The following STARD7 variants were observed in gnomAD, a reference collection of about 807,000 sequenced individuals.
STARD7 encodes StAR related lipid transfer domain containing 7.
STARD7 carries 30 observed loss-of-function variants against 45.3 expected under a neutral mutation model. That is an observed-to-expected ratio of 0.66 (90% CI 0.50 to 0.90). The LOEUF (loss-of-function observed/expected upper bound fraction) is 0.90, where lower values mean the gene tolerates loss of function less well. Among genes scored for constraint, STARD7 ranks in the 40% least tolerant of loss-of-function variants. The pLI, the probability that STARD7 is intolerant of heterozygous loss-of-function variation, is 0.00. For missense variants in STARD7, 495 were observed against 491.3 expected (o/e 1.01, Z -0.07); for synonymous variants, 199 against 183.0 (o/e 1.09, Z -0.70).
In STARD7 at chr2:96,208,388, C is replaced by G. The variant is rs746814222; in HGVS notation, c.47G>C (p.Gly16Ala). ...LLAAWLAGTRGGGLLALLANQ... is the reference protein window; with the variant it reads ...LLAAWLAGTRAGGLLALLANQ... ...GGCCAGAAGCGCCAGCAGGCCCCCGCCCCGCGTCCCCGCCAGCCAGGCGGC... is the reference window on the plus strand; with the variant it reads ...GGCCAGAAGCGCCAGCAGGCCCCCGGCCCGCGTCCCCGCCAGCCAGGCGGC... The change falls in exon 1 of 8, where the codon GGC (glycine) becomes GCC (alanine). Residue 16 changes from glycine to alanine, a missense_variant. Physicochemically the swap from Gly to Ala is moderately conservative, Grantham distance 60. Around this residue, in one of 2 missense-constraint regions of STARD7, gnomAD observed 282 missense variants for 220.1 expected, o/e 1.28. Coordinates refer to ENST00000337288, the MANE Select transcript of STARD7 (RefSeq NM_020151.4). The G allele has an allele frequency of 2.0e-6, 3 of 1,473,630 alleles. No homozygotes were observed. The African/African-American group carries it at 4.4e-5, about 22-fold the overall frequency. 91.3% of individuals were successfully genotyped at this position (1,473,630 alleles called of 1,614,324 possible).
chr2:96,208,078 G>A (rs1683426855), intron 1 of STARD7, 67 bp downstream of exon 1: 2 of 1,430,896 alleles, frequency 1.4e-6, no homozygotes, highest in African/African-American at 1.5e-5. Context: ...AACGACCACA[G>A]GGCAGGCCCC....
intron 3 of STARD7, among the ~76,000 whole-genome samples, chr2:96,194,506 C>T (rs985592365): frequency 1.8e-4 from 28 of 152,044 alleles, no homozygotes; most frequent in Admixed American, 7.2e-4. Flanking sequence ...TAAATACAAA[C>T]AGAGGACTAC....
chr2:96,203,826 C>T (rs1231405342), intron 1 of STARD7, among the ~76,000 whole-genome samples: 3 of 151,850 alleles, frequency 2.0e-5, no homozygotes, highest in East Asian at 3.9e-4. Context: ...ATTAGGTGGG[C>T]GTGGTGGGGC....
chr2:96,193,705 A>T (rs1435917609), intron 3 of STARD7, among the ~76,000 whole-genome samples: 1 of 152,262 alleles, frequency 6.6e-6, no homozygotes, highest in Non-Finnish European at 1.5e-5. Context: ...AAAAAGTCCA[A>T]AAGTATTAAG....
At position 96,186,442 on chromosome 2, in the gene STARD7, T is replaced by G. The variant is rs1333509027; in HGVS notation, c.*288A>C. The G allele has an allele frequency of 7.5e-6, 2 of 266,132 alleles. No homozygotes were observed. Among genetic ancestry groups the G allele is most frequent in the African/African-American group, 4.4e-5 (2 of 45,382 alleles). 16.5% of individuals were successfully genotyped at this position (266,132 alleles called of 1,614,324 possible). On this transcript the variant is annotated 3_prime_UTR_variant, in exon 8 of 8. Coordinates refer to ENST00000337288, the MANE Select transcript of STARD7 (RefSeq NM_020151.4). The stretch of plus-strand genomic sequence containing the variant: ...AGAGAAGCAAATGGAGGTCATCCCC[T>G]TCTGGCCTGAGGTGAGAGGTTTGTT...
At chr2:96,196,625 C>A (rs1490049809) in intron 1 of STARD7, among the ~76,000 whole-genome samples, 1 of 152,142 alleles carries the variant, frequency 6.6e-6, no homozygotes, top group Non-Finnish European at 1.5e-5. Context: ...TCATGCCCGG[C>A]TGATTTTTTG....
At position 96,191,651 on chromosome 2, in the gene STARD7, CT is replaced by C. The variant is rs1025835770; in HGVS notation, c.843+717del. 4.6e-3 allele frequency among the ~76,000 whole-genome samples: 675 copies of C among 146,482 alleles called. 4 individuals are homozygous for C. Among genetic ancestry groups the C allele is most frequent in the African/African-American group, 0.017 (650 of 38,974 alleles). On this transcript the variant is annotated intron_variant, in intron 6 of 7. Coordinates refer to ENST00000337288, the MANE Select transcript of STARD7 (RefSeq NM_020151.4). ...CCTGCTTTCCTCTCTATCCAGTGTA[CT>C]TTTTTTTTTGTTTTTTTTTACAAGG...
rs1683426391 is a variant in STARD7 at position 96,208,060 on chromosome 2, C to T, written c.290+85G>A. 5 of 1,335,402 alleles carry T rather than the reference C, an allele frequency of 3.7e-6. No individual in the cohort carries two copies. In the Admixed American group the frequency reaches 1.3e-4, roughly 36 times the overall value. The allele number at this position is 1,335,402 out of a possible 1,614,324, so 82.7% of individuals were successfully genotyped here. A position where few individuals can be genotyped will look rare whatever the true frequency, so the allele number is the denominator to read the frequency against. On this transcript the variant is annotated intron_variant, in intron 1 of 7. Transcript: ENST00000337288. ...GCCAATTAAAAGACCACCGGGTAAA[C>T]AAGGGCCAACGACCACAGGGCAGGC...
intron 1 of STARD7, among the ~76,000 whole-genome samples, chr2:96,201,270 T>A (rs968726749): frequency 5.9e-5 from 9 of 151,998 alleles, no homozygotes; most frequent in African/African-American, 1.9e-4. Context: ...GTAATCCAAA[T>A]TTTTATTAAA....
At chr2:96,187,984 T>C (rs1049321756) in intron 6 of STARD7, 6 of 151,458 alleles carry the variant, frequency 4.0e-5, no homozygotes, top group African/African-American at 1.2e-4. Flanking sequence ...AATAAATAAA[T>C]TGGGTGTTGG....
chr2:96,192,025 C>T (rs183298185), intron 6 of STARD7, among the ~76,000 whole-genome samples: 1 of 152,332 alleles, frequency 6.6e-6, no homozygotes, highest in East Asian at 1.9e-4. Flanking sequence ...AAGTTTCCAT[C>T]CAGTGCTCTG....
intron 3 of STARD7, among the ~76,000 whole-genome samples, chr2:96,193,727 C>T (rs1244275217): frequency 2.0e-5 from 3 of 152,200 alleles, no homozygotes; most frequent in African/African-American, 7.2e-5. Flanking sequence ...AGACACTTCA[C>T]ACACAAAAAT....
chr2:96,186,595 G>T lies in STARD7; in HGVS notation c.*135C>A. ...GGGCTCTGAATGAAATGGGACATCA[G>T]TTATTGAATTATCTTGCACTGGAAG... On this transcript the variant is annotated 3_prime_UTR_variant, in exon 8 of 8. Coordinates refer to ENST00000337288, the MANE Select transcript of STARD7 (RefSeq NM_020151.4). The T allele has an allele frequency of 3.5e-6, 2 of 570,684 alleles. No individual in the cohort carries two copies. The highest frequency in any genetic ancestry group is 5.9e-6 in the Non-Finnish European group (2 of 337,460). The allele number at this position is 570,684 out of a possible 1,614,324, so 35.4% of individuals were successfully genotyped here. A position where few individuals can be genotyped will look rare whatever the true frequency, so the allele number is the denominator to read the frequency against.
At position 96,192,473 on chromosome 2, in the gene STARD7, T is replaced by A; in HGVS notation, c.744-5A>T. ...ACACTCGGATGCTCCACAGCACTGG[T>A]AAGGAGGAAAGGAGAAGCAAACTCT... is the stretch of plus-strand genomic sequence containing the variant. On this transcript the variant is annotated splice_region_variant and splice_polypyrimidine_tract_variant and intron_variant, in intron 5 of 7. Coordinates refer to ENST00000337288, the MANE Select transcript of STARD7 (RefSeq NM_020151.4). The A allele has an allele frequency of 6.2e-7, 1 of 1,611,320 alleles. No individual in the cohort carries two copies. Among genetic ancestry groups the A allele is most frequent in the Non-Finnish European group, 8.5e-7 (1 of 1,177,642 alleles).
intron 5 of STARD7, 94 bp downstream of exon 5, chr2:96,192,984 C>A: frequency 1.1e-6 from 1 of 881,166 alleles, no homozygotes; most frequent in Non-Finnish European, 1.9e-6. Context: ...CTGTGGGAGA[C>A]TCATAGGACA....
rs1186578722 is a variant in STARD7 at position 96,193,152 on chromosome 2, C to T, written c.669G>A (p.Met223Ile). The T allele has an allele frequency of 1.2e-6, 2 of 1,612,122 alleles. No individual in the cohort carries two copies. Among genetic ancestry groups the T allele is most frequent in the Non-Finnish European group, 8.5e-7 (1 of 1,178,198 alleles). Residue 223 changes from methionine to isoleucine, a missense_variant, in exon 5 of 8, where the codon ATG becomes ATA. By Grantham distance (10) the Met-to-Ile change is conservative. Coordinates refer to ENST00000337288, the MANE Select transcript of STARD7 (RefSeq NM_020151.4). ...LHWVTHFPYP[M>I]YSRDYVYVRR... Reference sequence around the variant, plus strand: ...GAACATAAACATAATCCCGTGAGTACATTGGATACTAAAGAAATGGAGGAG... The same window carrying T: ...GAACATAAACATAATCCCGTGAGTATATTGGATACTAAAGAAATGGAGGAG...
chr2:96,199,932 C>A (rs1683279671), intron 1 of STARD7, among the ~76,000 whole-genome samples: 1 of 152,146 alleles, frequency 6.6e-6, no homozygotes, highest in Non-Finnish European at 1.5e-5. Flanking sequence ...CAGTTTTTGT[C>A]CTTTTTTCTA....
chr2:96,193,508 T>G lies in STARD7; in HGVS notation c.550-156A>C, dbSNP rs79725172. Among the ~76,000 whole-genome samples the G allele has an allele frequency of 4.3e-4, 66 of 152,332 alleles. No individual in the cohort carries two copies. In the East Asian group the frequency reaches 0.012, roughly 28 times the overall value. Reference sequence around the variant, plus strand: ...TGCCAGAGTGTGAGAGACATGGCTGTGTTTACTACAGATGTTTCTTTCAAA... The same window carrying G: ...TGCCAGAGTGTGAGAGACATGGCTGGGTTTACTACAGATGTTTCTTTCAAA... On this transcript the variant is annotated intron_variant, in intron 3 of 7. Coordinates refer to ENST00000337288, the MANE Select transcript of STARD7 (RefSeq NM_020151.4).
chr2:96,195,020 GA>G lies in STARD7; in HGVS notation c.500-14del, dbSNP rs1343043252. On this transcript the variant is annotated splice_polypyrimidine_tract_variant and intron_variant, in intron 2 of 7. Transcript: ENST00000337288. ...TAGGTTCCAAAAACTAGAATGAAAA[GA>G]AAGAATAAGGGATGCTGGCCATACT... 6.2e-7 allele frequency: 1 copy of G among 1,603,258 alleles called. No homozygotes were observed.
Sources: allele counts gnomAD v4.1 joint callset (sites outside exome capture counted in the v4.1 genomes callset), GRCh38; gene constraint gnomAD v4.1.1; regional missense constraint gnomAD v4.1.1; transcripts MANE v1.5; gene names NCBI Gene and HGNC (gene_info 2026-07-23, HGNC 2026-07-21).